MSH3: variants seen among roughly 807,000 people sequenced by gnomAD.
MSH3 encodes the protein DNA mismatch repair protein Msh3.
Under a neutral mutation model 123.3 loss-of-function variants are expected in MSH3, and 106 were observed. The ratio of observed to expected loss-of-function variants is 0.86; its 90% confidence interval spans 0.73 to 1.01. The LOEUF (loss-of-function observed/expected upper bound fraction) is 1.01. Ranked by LOEUF, MSH3 falls within the 50% of genes least tolerant of loss-of-function variation. MSH3 has a pLI of 0.00. For missense variants in MSH3, 1,459 were observed against 1,347.6 expected (o/e 1.08, Z -1.29); for synonymous variants, 515 against 481.4 (o/e 1.07, Z -0.91).
intron 19 of MSH3, among the ~76,000 whole-genome samples, chr5:80,803,623 G>T (rs1413096407): frequency 1.3e-5 from 2 of 151,592 alleles, no homozygotes; most frequent in Non-Finnish European, 2.9e-5. Flanking sequence ...GCCTGTGTTT[G>T]TGGGGTATTT....
At chr5:80,862,201 T>C (rs151078121) in intron 21 of MSH3, among the ~76,000 whole-genome samples, 31 of 152,232 alleles carry the variant, frequency 2.0e-4, no homozygotes, top group Non-Finnish European at 2.9e-5. Context: ...ACCATGGAGA[T>C]AGGTGGTCCT....
chr5:80,872,327 T>C (rs39627), intron 22 of MSH3, among the ~76,000 whole-genome samples: 131,258 of 151,862 alleles, frequency 0.86, 56,799 homozygotes, highest in East Asian at 1. Flanking sequence ...ATTAGCTAGG[T>C]GTGGTAGTAT....
At chr5:80,815,309 AAAAC>A (rs1745081131) in intron 20 of MSH3, among the ~76,000 whole-genome samples, 1 of 152,252 alleles carries the variant, frequency 6.6e-6, no homozygotes, top group Middle Eastern at 3.4e-3. Flanking sequence ...TTTTATAAGA[AAAAC>A]AAACCAGGTA....
At chr5:80,698,071 C>G (rs1750524217) in intron 8 of MSH3, among the ~76,000 whole-genome samples, 1 of 151,996 alleles carries the variant, frequency 6.6e-6, no homozygotes, top group African/African-American at 2.4e-5. Context: ...CCACACCCAG[C>G]TAATTTTTTT....
chr5:80,812,211 C>A (rs547059748), intron 19 of MSH3, among the ~76,000 whole-genome samples: 1 of 152,154 alleles, frequency 6.6e-6, no homozygotes, highest in Non-Finnish European at 1.5e-5. Context: ...GAATATGATA[C>A]AGCTTTAGGG....
In MSH3 at chr5:80,814,130, A is replaced by G. The variant is rs199636037; in HGVS notation, c.2813+389A>G. 2.9e-3 allele frequency among the ~76,000 whole-genome samples: 9 copies of G among 3,088 alleles called. No individual in the cohort carries two copies. In the East Asian group the frequency reaches 0.5, roughly 172 times the overall value. 2.0% of individuals were successfully genotyped at this position (3,088 alleles called of 152,430 possible). ...AACAAAGTGAGACCCTGTCTCAAAG[A>G]AAAAAAAAAAAACAAAAACAAAAAC... On this transcript the variant is annotated intron_variant, in intron 20 of 23. Coordinates refer to ENST00000265081, the MANE Select transcript of MSH3 (RefSeq NM_002439.5).
chr5:80,852,391 A>G (rs532578310), intron 20 of MSH3, among the ~76,000 whole-genome samples: 1 of 152,256 alleles, frequency 6.6e-6, no homozygotes, highest in African/African-American at 2.4e-5. Context: ...TCTAAAAATC[A>G]ATGACCCCCC....
At chr5:80,669,777 A>G (rs1272895912) in intron 3 of MSH3, among the ~76,000 whole-genome samples, 1 of 152,230 alleles carries the variant, frequency 6.6e-6, no homozygotes, top group Non-Finnish European at 1.5e-5. Flanking sequence ...AAATAATAAA[A>G]AGAAAATAAG....
intron 8 of MSH3, among the ~76,000 whole-genome samples, chr5:80,704,344 G>A (rs1291679184): frequency 1.3e-5 from 2 of 152,142 alleles, no homozygotes; most frequent in Admixed American, 6.5e-5. Context: ...CTGGAATTCA[G>A]TCTTCACCTC....
Position 80,675,095 on chromosome 5 carries a change from CA to C in MSH3, c.1148del (p.Lys383ArgfsTer32), listed in dbSNP as rs587776701. 5.0e-5 allele frequency: 81 copies of C among 1,610,100 alleles called. No homozygotes were observed. The highest frequency in any genetic ancestry group is 6.5e-5 in the Non-Finnish European group (77 of 1,178,272). On this transcript the variant is annotated frameshift_variant, in exon 7 of 24. Transcript: ENST00000265081. LOFTEE classifies it high-confidence loss of function. Reference sequence around the variant, plus strand: ...CTGAAAATAAGGAAAATGTTAGGGACAAAAAAAAGGGCAACATTTTTATTGG... The same window carrying C: ...CTGAAAATAAGGAAAATGTTAGGGACAAAAAAAGGGCAACATTTTTATTGG... ...ISENKENVRD[K>X]KKGNIFIGIV...
chr5:80,818,549 G>A (rs1046621667), intron 20 of MSH3, among the ~76,000 whole-genome samples: 10 of 151,608 alleles, frequency 6.6e-5, no homozygotes, highest in Non-Finnish European at 1.5e-4. Flanking sequence ...TAAAGCACTA[G>A]TGAAACATTT....
At chr5:80,749,927 C>A (rs1411956968) in intron 12 of MSH3, among the ~76,000 whole-genome samples, 1 of 152,090 alleles carries the variant, frequency 6.6e-6, no homozygotes, top group Non-Finnish European at 1.5e-5. Context: ...ATGAGTTTGA[C>A]TTTATTTGAT....
rs6151862 is a variant in MSH3 at position 80,800,837 on chromosome 5, T to C, written c.2655+7993T>C. On this transcript the variant is annotated intron_variant, in intron 19 of 23. Transcript: ENST00000265081. ...ACTTACTTTCTAGAAGTGAGATTGGTAATAAATAAGCAAGAAAATTCAGGT... is the reference window on the plus strand; with the variant it reads ...ACTTACTTTCTAGAAGTGAGATTGGCAATAAATAAGCAAGAAAATTCAGGT... Among the ~76,000 whole-genome samples the C allele has an allele frequency of 9.3e-3, 1,418 of 152,290 alleles. 15 individuals are homozygous for C. Among genetic ancestry groups the C allele is most frequent in the Non-Finnish European group, 0.015 (1,001 of 68,026 alleles).
In MSH3 at chr5:80,808,869, A is replaced by ATCTATC. The variant is rs1744951406; in HGVS notation, c.2656-4714_2656-4713insCTATCT. Among the ~76,000 whole-genome samples the ATCTATC allele has an allele frequency of 2.4e-5, 3 of 126,490 alleles. No homozygotes were observed. In the South Asian group the frequency reaches 7.6e-4, roughly 32 times the overall value. The allele number at this position is 126,490 out of a possible 152,430, so 83.0% of individuals were successfully genotyped here. A position where few individuals can be genotyped will look rare whatever the true frequency, so the allele number is the denominator to read the frequency against. The stretch of plus-strand genomic sequence containing the variant: ...TAATATATCTTCTTCATATATATAT[A>ATCTATC]TATATATATATATACACAATCTAAA... On this transcript the variant is annotated intron_variant, in intron 19 of 23. Coordinates refer to ENST00000265081, the MANE Select transcript of MSH3 (RefSeq NM_002439.5).
chr5:80,849,578 A>G (rs969354121), intron 20 of MSH3, among the ~76,000 whole-genome samples: 1 of 152,176 alleles, frequency 6.6e-6, no homozygotes, highest in Non-Finnish European at 1.5e-5. Context: ...ACCACATGGA[A>G]GCTGCCAAGG....
intron 22 of MSH3, among the ~76,000 whole-genome samples, chr5:80,872,683 C>T (rs1463149931): frequency 1.3e-5 from 2 of 152,100 alleles, no homozygotes; most frequent in East Asian, 1.9e-4. Context: ...TGGCATGAAC[C>T]TGTAGTCCTA....
intron 20 of MSH3, among the ~76,000 whole-genome samples, chr5:80,840,990 T>C (rs958870572): frequency 6.6e-6 from 1 of 152,120 alleles, no homozygotes; most frequent in Non-Finnish European, 1.5e-5. Context: ...TGTGCCATGT[T>C]GGTGTGCTGC....
At position 80,741,501 on chromosome 5, in the gene MSH3, A is replaced by G. The variant is rs756837309; in HGVS notation, c.1606A>G (p.Thr536Ala). The G allele has an allele frequency of 2.5e-6, 4 of 1,607,550 alleles. No individual in the cohort carries two copies. In the East Asian group the frequency reaches 6.7e-5, roughly 27 times the overall value. The change falls in exon 11 of 24, where the codon ACA becomes GCA. Residue 536 changes from threonine to alanine, a missense_variant. Transcript: ENST00000265081. The part of the protein sequence containing the change: ...KQLSSKMEFM[T>A]INGTTLRNLE... ...GCTATCAAGTAAAATGGAATTTATG[A>G]CAATTAATGGAACAACATTAAGGAA...
chr5:80,820,535 A>G (rs1745188048), intron 20 of MSH3, among the ~76,000 whole-genome samples: 3 of 152,152 alleles, frequency 2.0e-5, no homozygotes, highest in South Asian at 4.2e-4. Context: ...GTAGATGTGC[A>G]GTAAATATTT....
Sources: allele counts gnomAD v4.1 joint callset (sites outside exome capture counted in the v4.1 genomes callset), GRCh38; gene constraint gnomAD v4.1.1; transcripts MANE v1.5; gene names NCBI Gene and HGNC (gene_info 2026-07-23, HGNC 2026-07-21).